Variants in ST18 observed in about 807,000 individuals in gnomAD.
ST18 encodes ST18 C2H2C-type zinc finger transcription factor.
ST18 carries 50 observed loss-of-function variants against 110.0 expected under a neutral mutation model. The ratio of observed to expected loss-of-function variants is 0.45; its 90% CI spans 0.36 to 0.58. The LOEUF (loss-of-function observed/expected upper bound fraction) is 0.58, where lower values mean the gene tolerates loss of function less well. Ranked by LOEUF, ST18 falls within the 20% of genes least tolerant of loss-of-function variation. The pLI is 0.00. For synonymous variants in ST18, 461 were observed against 452.4 expected, an observed-to-expected ratio of 1.02 and a Z score of -0.24; for missense variants, 1,306 against 1,280.1, an observed-to-expected ratio of 1.02 and a Z score of -0.31.
chr8:52,223,149 T>C (rs767720203), intron 3 of ST18, among the ~76,000 whole-genome samples: 1 of 152,318 alleles, frequency 6.6e-6, no homozygotes, highest in East Asian at 1.9e-4. Context: ...CTCTCAGTCC[T>C]TTATGGCTGC....
chr8:52,272,197 T>C (rs2095097703), intron 2 of ST18, among the ~76,000 whole-genome samples: 1 of 151,768 alleles, frequency 6.6e-6, no homozygotes, highest in Non-Finnish European at 1.5e-5. Flanking sequence ...AAAACAAAAA[T>C]AAACAAATGA....
intron 2 of ST18, among the ~76,000 whole-genome samples, chr8:52,346,195 TTTAAG>T (rs1220612853): frequency 3.3e-5 from 5 of 151,058 alleles, no homozygotes; most frequent in Non-Finnish European, 5.9e-5. Context: ...ATTATTACAC[TTTAAG>T]TTAAAAGTTT....
chr8:52,328,569 T>C (rs1564506625), intron 2 of ST18, among the ~76,000 whole-genome samples: 1 of 152,204 alleles, frequency 6.6e-6, no homozygotes, highest in Non-Finnish European at 1.5e-5. Context: ...GACATTTTAA[T>C]GACAACATAA....
intron 3 of ST18, among the ~76,000 whole-genome samples, chr8:52,222,516 A>C (rs1156611622): frequency 6.6e-6 from 1 of 152,198 alleles, no homozygotes; most frequent in Non-Finnish European, 1.5e-5. Flanking sequence ...GGAGAAGTGC[A>C]CAGAGGGCAC....
At chr8:52,114,401 G>C (rs1405800820) in intron 25 of ST18, among the ~76,000 whole-genome samples, 1 of 152,148 alleles carries the variant, frequency 6.6e-6, no homozygotes, top group South Asian at 2.1e-4. Context: ...ATGCTACTCA[G>C]TCATTTCTGT....
intron 15 of ST18, among the ~76,000 whole-genome samples, chr8:52,156,753 A>C (rs781570853): frequency 6.6e-6 from 1 of 151,788 alleles, no homozygotes; most frequent in Non-Finnish European, 1.5e-5. Context: ...GCGTGTGTGC[A>C]TGTGTGTGTG....
At chr8:52,195,032 C>T (rs1029421077) in intron 8 of ST18, among the ~76,000 whole-genome samples, 1 of 152,128 alleles carries the variant, frequency 6.6e-6, no homozygotes. Context: ...TTAGTTAAAT[C>T]ATTTGGGCAC....
At chr8:52,215,839 C>T (rs1363822196) in intron 6 of ST18, among the ~76,000 whole-genome samples, 3 of 152,164 alleles carry the variant, frequency 2.0e-5, no homozygotes, top group East Asian at 1.9e-4. Context: ...CCCCTCCTCC[C>T]GTGAGTATCT....
chr8:52,175,190 G>T (rs7833206), intron 9 of ST18, among the ~76,000 whole-genome samples: 3 of 152,012 alleles, frequency 2.0e-5, no homozygotes, highest in Non-Finnish European at 4.4e-5. Flanking sequence ...GAGGCCACAC[G>T]GGAATACCCA....
At chr8:52,262,479 G>A (rs2094725768) in intron 2 of ST18, among the ~76,000 whole-genome samples, 1 of 152,196 alleles carries the variant, frequency 6.6e-6, no homozygotes, top group Non-Finnish European at 1.5e-5. Context: ...GACCTCCAAA[G>A]CCACATGTTG....
At chr8:52,187,144 A>G (rs2072616934) in intron 8 of ST18, among the ~76,000 whole-genome samples, 1 of 152,246 alleles carries the variant, frequency 6.6e-6, no homozygotes, top group African/African-American at 2.4e-5. Context: ...TTATAGACTA[A>G]AGTCAAAGGT....
chr8:52,206,499 G>A (rs1367297483), intron 8 of ST18: 1 of 152,256 alleles, frequency 6.6e-6, no homozygotes, highest in Non-Finnish European at 1.5e-5. Flanking sequence ...TGCTTCTGTT[G>A]GTGTGAGGCC....
At chr8:52,175,942 A>C (rs1226519530) in intron 9 of ST18, among the ~76,000 whole-genome samples, 2 of 152,138 alleles carry the variant, frequency 1.3e-5, no homozygotes, top group African/African-American at 4.8e-5. Context: ...AGCTAAGAAC[A>C]CTAGTAGCTC....
intron 2 of ST18, among the ~76,000 whole-genome samples, chr8:52,235,205 T>C (rs987698054): frequency 3.9e-5 from 6 of 152,108 alleles, no homozygotes; most frequent in Non-Finnish European, 8.8e-5. Context: ...AAAAAAAGAA[T>C]GCTCCTTAAA....
intron 2 of ST18, among the ~76,000 whole-genome samples, chr8:52,320,751 A>C (rs1055210545): frequency 2.6e-5 from 4 of 152,190 alleles, no homozygotes; most frequent in Non-Finnish European, 5.9e-5. Context: ...AAATTAAGAC[A>C]ACATTGAAAC....
intron 2 of ST18, among the ~76,000 whole-genome samples, chr8:52,376,213 C>T (rs1410873689): frequency 6.6e-6 from 1 of 152,186 alleles, no homozygotes; most frequent in Admixed American, 6.5e-5. Context: ...TACAAGCCAA[C>T]ACTCTTACAG....
chr8:52,312,418 G>A (rs1008907225), intron 2 of ST18, among the ~76,000 whole-genome samples: 3 of 152,164 alleles, frequency 2.0e-5, no homozygotes, highest in Admixed American at 6.5e-5. Flanking sequence ...CCTCAACTAC[G>A]ATAAATCAAA....
intron 2 of ST18, among the ~76,000 whole-genome samples, chr8:52,285,155 G>T (rs1244341284): frequency 6.6e-6 from 1 of 152,146 alleles, no homozygotes; most frequent in East Asian, 1.9e-4. Flanking sequence ...ACCCTTTTCA[G>T]TTCCAAGATT....
intron 2 of ST18, among the ~76,000 whole-genome samples, chr8:52,304,693 G>A (rs1030180121): frequency 2.6e-5 from 4 of 152,024 alleles, no homozygotes; most frequent in Non-Finnish European, 5.9e-5. Context: ...CCATAAACTG[G>A]GTAGTTTAGA....
Sources: allele counts gnomAD v4.1 joint callset (sites outside exome capture counted in the v4.1 genomes callset), GRCh38; gene constraint gnomAD v4.1.1; transcripts MANE v1.5; gene names NCBI Gene and HGNC (gene_info 2026-07-23, HGNC 2026-07-21).